Variants in SMARCA2 observed in about 807,000 individuals in gnomAD.
SMARCA2 encodes SWI/SNF related BAF chromatin remodeling complex subunit ATPase 2.
In SMARCA2, 61 loss-of-function variants were observed where a neutral mutation model predicts 199.8. That is an observed-to-expected ratio of 0.31 (90% CI 0.25 to 0.38). The LOEUF (loss-of-function observed/expected upper bound fraction) is 0.38, where lower values mean the gene tolerates loss of function less well. Ranked by LOEUF, SMARCA2 falls within the 10% of genes least tolerant of loss-of-function variation. SMARCA2 has a pLI of 1.00. For synonymous variants in SMARCA2, 935 were observed against 732.0 expected, an observed-to-expected ratio of 1.28 and a Z score of -4.48; for missense variants, 1,344 against 2,012.2, an observed-to-expected ratio of 0.67 and a Z score of 6.35.
intron 32 of SMARCA2, 82 bp downstream of exon 32, chr9:2,186,310 CTT>C: frequency 3.5e-6 from 5 of 1,413,728 alleles, no homozygotes; most frequent in Non-Finnish European, 4.8e-6. Flanking sequence ...ACAGAAGAGA[CTT>C]TAGAGTGGGG....
chr9:2,168,033 C>CT (rs367986975), intron 28 of SMARCA2, among the ~76,000 whole-genome samples: 3,136 of 138,766 alleles, frequency 0.023, 75 homozygotes, highest in African/African-American at 0.064. Context: ...TTTTCTTTTT[C>CT]TTTTTTTTTT....
At chr9:2,025,331 C>T (rs749663885) in intron 1 of SMARCA2, among the ~76,000 whole-genome samples, 1 of 152,162 alleles carries the variant, frequency 6.6e-6, no homozygotes, top group African/African-American at 2.4e-5. Flanking sequence ...GGGGAGGTTG[C>T]TGTGCCCCCC....
Position 2,172,825 on chromosome 9 carries a change from AG to A in SMARCA2, c.4253+2354del, listed in dbSNP as rs201311872. The stretch of plus-strand genomic sequence containing the variant: ...AGGTGACACCCAGGGAGCCGACATC[AG>A]CCCTGCAGTGGAAAGTAGATAGCCA... On this transcript the variant is annotated intron_variant, in intron 29 of 33. Transcript: ENST00000349721. Among the ~76,000 whole-genome samples the A allele has an allele frequency of 7.7e-4, 117 of 152,294 alleles. No homozygotes were observed. The East Asian group carries it at 0.02, about 25-fold the overall frequency.
intron 27 of SMARCA2, among the ~76,000 whole-genome samples, chr9:2,125,747 C>T (rs1038367783): frequency 6.6e-6 from 1 of 152,160 alleles, no homozygotes; most frequent in African/African-American, 2.4e-5. Context: ...GCCTTGGCCT[C>T]CCAAAGTGCT....
At chr9:2,162,110 T>C (rs986334032) in intron 28 of SMARCA2, among the ~76,000 whole-genome samples, 1 of 152,206 alleles carries the variant, frequency 6.6e-6, no homozygotes, top group African/African-American at 2.4e-5. Flanking sequence ...TTTAAGATAG[T>C]TGAAAATTTA....
At chr9:2,127,747 C>G (rs1823760029) in intron 27 of SMARCA2, among the ~76,000 whole-genome samples, 1 of 152,208 alleles carries the variant, frequency 6.6e-6, no homozygotes, top group Admixed American at 6.5e-5. Flanking sequence ...CCATCCCTGC[C>G]TCAGCACACT....
At chr9:2,097,284 T>C (rs1028224158) in intron 20 of SMARCA2, 101 bp from the exon 21 acceptor site, 3 of 733,110 alleles carry the variant, frequency 4.1e-6, no homozygotes, top group Non-Finnish European at 7.0e-6. Flanking sequence ...TGAAAAAACC[T>C]ATGGTCCTTT....
At chr9:2,065,571 A>T (rs1820803692) in intron 9 of SMARCA2, among the ~76,000 whole-genome samples, 1 of 152,176 alleles carries the variant, frequency 6.6e-6, no homozygotes, top group Admixed American at 6.5e-5. Context: ...ATGTGTTTTT[A>T]TCCTGTTTAG....
At chr9:2,040,973 G>A (rs7865562) in intron 4 of SMARCA2, 15,412 of 169,068 alleles carry the variant, frequency 0.091, 1,165 homozygotes, top group African/African-American at 0.21. Context: ...TCTAGGGAAT[G>A]AGGTACTTCC....
intron 14 of SMARCA2, among the ~76,000 whole-genome samples, chr9:2,078,965 A>AAT (rs2130451977): frequency 1.3e-5 from 2 of 152,178 alleles, no homozygotes; most frequent in South Asian, 4.2e-4. Flanking sequence ...TAAATAAATA[A>AAT]AAATAAAAAT....
chr9:2,064,536 T>A (rs964570773), intron 9 of SMARCA2, among the ~76,000 whole-genome samples: 1 of 152,248 alleles, frequency 6.6e-6, no homozygotes, highest in East Asian at 1.9e-4. Flanking sequence ...ACAAATGTCT[T>A]TTTAAACCTT....
At chr9:2,069,938 T>G (rs1205744597) in intron 9 of SMARCA2, among the ~76,000 whole-genome samples, 1 of 152,188 alleles carries the variant, frequency 6.6e-6, no homozygotes, top group Non-Finnish European at 1.5e-5. Context: ...CCCCACTCCC[T>G]CCTTCCCCCC....
intron 27 of SMARCA2, among the ~76,000 whole-genome samples, chr9:2,143,675 T>C (rs1352142604): frequency 6.6e-6 from 1 of 152,184 alleles, no homozygotes; most frequent in Non-Finnish European, 1.5e-5. Context: ...TTTAAAGATT[T>C]CCAGGAGAGA....
chr9:2,046,513 A>G (rs938045670), intron 4 of SMARCA2, among the ~76,000 whole-genome samples: 2 of 152,234 alleles, frequency 1.3e-5, no homozygotes, highest in Non-Finnish European at 2.9e-5. Flanking sequence ...GAAAAAATTT[A>G]AGTTCCCAGA....
rs1203057362 is a variant in SMARCA2 at position 2,115,129 on chromosome 9, A to G, written c.3457-693A>G. ...TAAATCTTTGTGCATATCTATGATT[A>G]TTTGTTTAGGATACATTTCCGAAGT... On this transcript the variant is annotated intron_variant, in intron 24 of 33. Transcript: ENST00000349721. The surrounding 1 kb of genome is among the most constrained non-coding windows in gnomAD (Gnocchi z 6.0). 7.2e-6 allele frequency among the ~76,000 whole-genome samples: 1 copy of G among 138,248 alleles called. No individual in the cohort carries two copies. Among genetic ancestry groups the G allele is most frequent in the African/African-American group, 3.3e-5 (1 of 30,218 alleles). The allele number at this position is 138,248 out of a possible 152,430, so 90.7% of individuals were successfully genotyped here.
At chr9:2,185,980 A>C (rs1827419956) in intron 31 of SMARCA2, 116 bp from the exon 32 acceptor site, 1 of 1,015,582 alleles carries the variant, frequency 9.8e-7, no homozygotes, top group South Asian at 1.6e-5. Flanking sequence ...ATAAAAGCTA[A>C]CGGTGACATT....
At chr9:2,025,289 G>T (rs1818778741) in intron 1 of SMARCA2, among the ~76,000 whole-genome samples, 1 of 152,120 alleles carries the variant, frequency 6.6e-6, no homozygotes, top group Non-Finnish European at 1.5e-5. Flanking sequence ...TCCTGGTCTG[G>T]GGGAGGGTGG....
intron 5 of SMARCA2, among the ~76,000 whole-genome samples, chr9:2,048,594 A>T (rs1363651294): frequency 2.0e-5 from 3 of 152,246 alleles, no homozygotes; most frequent in Non-Finnish European, 4.4e-5. Flanking sequence ...TTCTTATCAG[A>T]CTAAAATACT....
At chr9:2,114,295 A>G (rs1823127779) in intron 24 of SMARCA2, among the ~76,000 whole-genome samples, 1 of 152,162 alleles carries the variant, frequency 6.6e-6, no homozygotes, top group Admixed American at 6.5e-5. Flanking sequence ...TATGATATTT[A>G]TATTAACTTA....
Sources: allele counts gnomAD v4.1 joint callset (sites outside exome capture counted in the v4.1 genomes callset), GRCh38; gene constraint gnomAD v4.1.1; non-coding constraint Gnocchi (gnomAD v3.1); transcripts MANE v1.5; gene names NCBI Gene and HGNC (gene_info 2026-07-23, HGNC 2026-07-21).